Variants in SDK1 observed in about 807,000 individuals in gnomAD.
The protein encoded by SDK1 is sidekick cell adhesion molecule 1.
SDK1 carries 157 observed loss-of-function variants against 245.5 expected under a neutral mutation model. That is an observed-to-expected ratio of 0.64 (90% CI 0.56 to 0.73). The LOEUF is 0.73. Ranked by LOEUF, SDK1 falls within the 30% of genes least tolerant of loss-of-function variation. SDK1 has a pLI of 0.00. For missense variants in SDK1, 3,583 were observed against 3,002.3 expected, an observed-to-expected ratio of 1.19 and a Z score of -4.52; for synonymous variants, 1,647 against 1,278.5, an observed-to-expected ratio of 1.29 and a Z score of -6.15.
Position 4,265,420 on chromosome 7 carries a change from G to T in SDK1, c.*36G>T, listed in dbSNP as rs994801320. ...GCGCCTCCCTCAGGGCGGAACGGAG[G>T]CAACTTTCCGGAGTCTATTTTTGTT... is the stretch of plus-strand genomic sequence containing the variant. On this transcript the variant is annotated 3_prime_UTR_variant, in exon 45 of 45. Transcript: ENST00000404826. The T allele has an allele frequency of 2.1e-5, 30 of 1,405,758 alleles. No individual in the cohort carries two copies. The highest frequency in any genetic ancestry group is 2.6e-4 in the Middle Eastern group (1 of 3,792). The allele number at this position is 1,405,758 out of a possible 1,614,324, so 87.1% of individuals were successfully genotyped here. A position where few individuals can be genotyped will look rare whatever the true frequency, so the allele number is the denominator to read the frequency against.
At chr7:4,155,264 C>A (rs1780655895) in intron 30 of SDK1, among the ~76,000 whole-genome samples, 1 of 151,914 alleles carries the variant, frequency 6.6e-6, no homozygotes, top group Non-Finnish European at 1.5e-5. Context: ...CCCTGCAGCT[C>A]ACAGAGACAC....
chr7:4,207,881 C>T (rs1006718822), intron 36 of SDK1, among the ~76,000 whole-genome samples: 16 of 152,170 alleles, frequency 1.1e-4, no homozygotes, highest in Non-Finnish European at 2.1e-4. Context: ...TGTTAAACAT[C>T]GTCTCCCAAA....
chr7:3,548,775 A>T (rs755323675), intron 1 of SDK1, among the ~76,000 whole-genome samples: 49 of 152,312 alleles, frequency 3.2e-4, no homozygotes, highest in Non-Finnish European at 6.0e-4. Context: ...TCTTCCTTTT[A>T]TATTGGCAAG....
At chr7:3,714,096 C>T (rs949098488) in intron 4 of SDK1, among the ~76,000 whole-genome samples, 7 of 152,104 alleles carry the variant, frequency 4.6e-5, no homozygotes, top group East Asian at 3.9e-4. Context: ...AAGGAGGAAG[C>T]GTTTAAAGTA....
At chr7:4,152,842 T>TGACTAC (rs1163950721) in intron 30 of SDK1, among the ~76,000 whole-genome samples, 3 of 152,224 alleles carry the variant, frequency 2.0e-5, no homozygotes, top group Non-Finnish European at 4.4e-5. Context: ...TTGGTGACTG[T>TGACTAC]GACTACGTCC....
At chr7:3,801,132 C>T (rs755928969) in intron 4 of SDK1, among the ~76,000 whole-genome samples, 31 of 152,110 alleles carry the variant, frequency 2.0e-4, no homozygotes, top group Admixed American at 7.2e-4. Context: ...GACATAGATG[C>T]GGATGATTAA....
chr7:3,829,483 C>T (rs550918994), intron 5 of SDK1, among the ~76,000 whole-genome samples: 1 of 152,238 alleles, frequency 6.6e-6, no homozygotes, highest in African/African-American at 2.4e-5. Flanking sequence ...GACACTGAGG[C>T]TCTAAGAGGT....
Position 3,915,111 on chromosome 7 carries a change from C to T in SDK1, c.848-35812C>T, listed in dbSNP as rs114815357. ...AGCTTTCAATTAGCCCCTAAGGGCA[C>T]GAGAAGTTGAGGGTATTTTCCAAAT... On this transcript the variant is annotated intron_variant, in intron 5 of 44. Coordinates refer to ENST00000404826, the MANE Select transcript of SDK1 (RefSeq NM_152744.4). Among the ~76,000 whole-genome samples the T allele has an allele frequency of 2.6e-3, 403 of 152,286 alleles. 2 individuals carry two copies. The highest frequency in any genetic ancestry group is 9.4e-3 in the African/African-American group (389 of 41,558).
chr7:3,311,828 G>T (rs558398851), intron 1 of SDK1, among the ~76,000 whole-genome samples: 31 of 152,166 alleles, frequency 2.0e-4, no homozygotes, highest in Non-Finnish European at 3.8e-4. Flanking sequence ...TGCCAGCTAT[G>T]AACAGAAAAT....
chr7:3,313,564 C>T (rs1039411420), intron 1 of SDK1, among the ~76,000 whole-genome samples: 10 of 152,100 alleles, frequency 6.6e-5, no homozygotes, highest in African/African-American at 2.4e-4. Context: ...CAATGTGCCC[C>T]TTAAATTTAT....
At chr7:3,981,879 G>C (rs886911937) in intron 13 of SDK1, among the ~76,000 whole-genome samples, 2 of 152,208 alleles carry the variant, frequency 1.3e-5, no homozygotes, top group African/African-American at 4.8e-5. Flanking sequence ...GGAGAAACTT[G>C]GTAAGTTATT....
chr7:3,796,166 T>G (rs2115029246), intron 4 of SDK1, among the ~76,000 whole-genome samples: 1 of 152,286 alleles, frequency 6.6e-6, no homozygotes, highest in Non-Finnish European at 1.5e-5. Context: ...TAGAAAACAG[T>G]TCTGCAAAAT....
rs1787368940 is a variant in SDK1, at chr7:4,026,644, T to C, written c.2602+9292T>C. 6.6e-6 allele frequency among the ~76,000 whole-genome samples: 1 copy of C among 152,236 alleles called. No individual in the cohort carries two copies. The highest frequency in any genetic ancestry group is 2.1e-4 in the South Asian group (1 of 4,830). ...TTTTAAGTGTTAAAGTATTTTCTTC[T>C]GAAGGCCATCAGAAAAGAAACTTGA... is the stretch of plus-strand genomic sequence containing the variant. On this transcript the variant is annotated intron_variant, in intron 17 of 44. Coordinates refer to ENST00000404826, the MANE Select transcript of SDK1 (RefSeq NM_152744.4). This position sits in a 1 kb window ranked among gnomAD's most constrained non-coding sequence, Gnocchi z 4.1.
chr7:3,961,044 A>C (rs1332379752), intron 8 of SDK1, among the ~76,000 whole-genome samples: 1 of 152,252 alleles, frequency 6.6e-6, no homozygotes, highest in East Asian at 1.9e-4. Context: ...CTTTGACAAG[A>C]GAAAGCTCTG....
At chr7:3,719,517 A>G (rs1455158201) in intron 4 of SDK1, among the ~76,000 whole-genome samples, 3 of 152,164 alleles carry the variant, frequency 2.0e-5, no homozygotes, top group Non-Finnish European at 4.4e-5. Context: ...AATTTTTGAC[A>G]AAGGTGCAGA....
chr7:4,063,597 C>CAAAAAAAAAAAAAAAAAAA lies in SDK1; in HGVS notation c.2912-4229_2912-4228insAAAAAAAAAAAAAAAAAAA, dbSNP rs35423286. 1.3e-4 allele frequency among the ~76,000 whole-genome samples: 16 copies of CAAAAAAAAAAAAAAAAAAA among 125,136 alleles called. No homozygotes were observed. In the South Asian group the frequency reaches 1.3e-3, roughly 10 times the overall value. The allele number at this position is 125,136 out of a possible 152,430, so 82.1% of individuals were successfully genotyped here. ...ACCAGTGTCATTTTCACAGAAATAGCAAAAAAAAAAAACAAAAAACCCCGT... is the reference window on the plus strand; with the variant it reads ...ACCAGTGTCATTTTCACAGAAATAGCAAAAAAAAAAAAAAAAAAAAAAAAAAAAAAACAAAAAACCCCGT... On this transcript the variant is annotated intron_variant, in intron 19 of 44. Transcript: ENST00000404826.
At chr7:3,630,215 A>T (rs2128647802) in intron 2 of SDK1, among the ~76,000 whole-genome samples, 1 of 152,292 alleles carries the variant, frequency 6.6e-6, no homozygotes, top group South Asian at 2.1e-4. Flanking sequence ...TGAAGAAATA[A>T]TTTTTTCAAA....
At chr7:3,921,362 C>T (rs778091323) in intron 5 of SDK1, among the ~76,000 whole-genome samples, 2 of 152,172 alleles carry the variant, frequency 1.3e-5, no homozygotes, top group Admixed American at 6.5e-5. Flanking sequence ...ATTAACCTGT[C>T]TCCATCATTG....
At chr7:3,505,883 A>C (rs1404020777) in intron 1 of SDK1, among the ~76,000 whole-genome samples, 2 of 152,180 alleles carry the variant, frequency 1.3e-5, no homozygotes, top group East Asian at 3.9e-4. Context: ...ATACCAAGGG[A>C]AGACTGTTGC....
Sources: gnomAD v4.1 joint callset for allele counts (sites outside exome capture counted in the v4.1 genomes callset) on GRCh38, gnomAD v4.1.1 for gene constraint, Gnocchi (gnomAD v3.1) non-coding constraint, MANE v1.5 for transcripts, NCBI Gene and HGNC (gene_info 2026-07-23, HGNC 2026-07-21) for gene names.